GABRB1: variants seen among roughly 807,000 people sequenced by gnomAD.
GABRB1 encodes the protein gamma-aminobutyric acid receptor subunit beta-1.
Under a neutral mutation model 51.6 loss-of-function variants are expected in GABRB1, and 17 were observed. The observed-to-expected ratio is 0.33, with a 90% CI of 0.23 to 0.49. GABRB1 has a LOEUF of 0.49. GABRB1 is among the 20% of genes least tolerant of loss of function. GABRB1 has a pLI of 0.99. For missense variants in GABRB1, 410 were observed against 600.6 expected (o/e 0.68, Z 3.32); for synonymous variants, 247 against 218.9 (o/e 1.13, Z -1.14).
intron 3 of GABRB1, among the ~76,000 whole-genome samples, chr4:47,157,016 G>A (rs1490894960): frequency 6.6e-6 from 1 of 152,036 alleles, no homozygotes; most frequent in Non-Finnish European, 1.5e-5. Flanking sequence ...GTTTCATTGA[G>A]TGCTACTGGT....
At chr4:47,259,758 G>C (rs1336877952) in intron 4 of GABRB1, among the ~76,000 whole-genome samples, 1 of 152,144 alleles carries the variant, frequency 6.6e-6, no homozygotes, top group Non-Finnish European at 1.5e-5. Context: ...AAGGACATGA[G>C]TACTTTCTTT....
chr4:47,122,825 G>C (rs374147663), intron 3 of GABRB1, among the ~76,000 whole-genome samples: 1 of 152,138 alleles, frequency 6.6e-6, no homozygotes, highest in African/African-American at 2.4e-5. Context: ...GTAGAAAGGA[G>C]CAAGTACTTT....
intron 3 of GABRB1, among the ~76,000 whole-genome samples, chr4:47,076,694 G>C (rs1244638893): frequency 6.6e-6 from 1 of 152,030 alleles, no homozygotes; most frequent in African/African-American, 2.4e-5. Context: ...AACCTGATAG[G>C]CCTAACTCTG....
chr4:47,210,630 T>C (rs1477421867), intron 4 of GABRB1, among the ~76,000 whole-genome samples: 1 of 152,214 alleles, frequency 6.6e-6, no homozygotes, highest in Non-Finnish European at 1.5e-5. Context: ...AATATTGATA[T>C]CTTCATATAA....
At chr4:47,357,584 T>C (rs1726634205) in intron 5 of GABRB1, among the ~76,000 whole-genome samples, 1 of 152,152 alleles carries the variant, frequency 6.6e-6, no homozygotes, top group African/African-American at 2.4e-5. Context: ...AAGTTAGTGA[T>C]GTAAAGAGGA....
At chr4:47,385,032 C>G (rs958860790) in intron 5 of GABRB1, among the ~76,000 whole-genome samples, 1 of 152,186 alleles carries the variant, frequency 6.6e-6, no homozygotes, top group African/African-American at 2.4e-5. Flanking sequence ...GCTGTCATTA[C>G]ACTTTCCGGA....
intron 4 of GABRB1, among the ~76,000 whole-genome samples, chr4:47,235,196 G>T (rs932894922): frequency 1.3e-5 from 2 of 152,000 alleles, no homozygotes; most frequent in Non-Finnish European, 2.9e-5. Context: ...ATCTTCATAA[G>T]GAAGAAATTT....
chr4:47,046,810 C>A (rs995023795), intron 3 of GABRB1, among the ~76,000 whole-genome samples: 1 of 152,058 alleles, frequency 6.6e-6, no homozygotes, highest in Non-Finnish European at 1.5e-5. Flanking sequence ...TACTATGCAG[C>A]CTTAAAAAAT....
chr4:47,007,154 G>T (rs1378171998), intron 1 of GABRB1, among the ~76,000 whole-genome samples: 1 of 142,244 alleles, frequency 7.0e-6, no homozygotes, highest in East Asian at 2.1e-4. Context: ...AAAAAAAAAA[G>T]AAAAAGAAAA....
At chr4:47,310,666 T>G (rs963013700) in intron 4 of GABRB1, among the ~76,000 whole-genome samples, 7 of 152,272 alleles carry the variant, frequency 4.6e-5, no homozygotes, top group South Asian at 2.1e-4. Context: ...TTGGAAAAAT[T>G]TATTAATACA....
At chr4:47,030,925 G>A (rs1725268325), upstream of GABRB1, among the ~76,000 whole-genome samples, 1 of 152,098 alleles carries the variant, frequency 6.6e-6, no homozygotes, top group Admixed American at 6.5e-5. Flanking sequence ...TTCCCAACCT[G>A]GATGAAAAAC....
At chr4:47,413,903 C>T (rs1370604334) in intron 8 of GABRB1, among the ~76,000 whole-genome samples, 1 of 152,146 alleles carries the variant, frequency 6.6e-6, no homozygotes, top group Non-Finnish European at 1.5e-5. Context: ...TCATAAGCCC[C>T]TCAGGCATCA....
At position 47,000,166 on chromosome 4, in the gene GABRB1, A is replaced by G. The variant is rs139269418; in HGVS notation, c.-20+6240A>G. Among the ~76,000 whole-genome samples the G allele has an allele frequency of 1.3e-3, 193 of 152,320 alleles. 1 individual carries two copies. The Middle Eastern group carries it at 0.02, about 16-fold the overall frequency. On this transcript the variant is annotated intron_variant, in intron 1 of 3. Transcript: ENST00000513567. ...CAATAATGATAATACCTTCAGCCAA[A>G]TACTCATATAAAATTTAAAACTTAA... is the stretch of plus-strand genomic sequence containing the variant.
At chr4:47,283,681 C>T (rs1407686806) in intron 4 of GABRB1, among the ~76,000 whole-genome samples, 3 of 151,866 alleles carry the variant, frequency 2.0e-5, no homozygotes, top group African/African-American at 7.3e-5. Flanking sequence ...AGCCACCGCA[C>T]CCGGCCTCTG....
At chr4:47,077,955 ATT>A (rs1267962804) in intron 3 of GABRB1, among the ~76,000 whole-genome samples, 3 of 94,522 alleles carry the variant, frequency 3.2e-5, no homozygotes, top group East Asian at 5.7e-4. Context: ...TATATTATAT[ATT>A]TTATATATAT....
chr4:47,337,782 C>G (rs991071961), intron 5 of GABRB1, among the ~76,000 whole-genome samples: 2 of 140,990 alleles, frequency 1.4e-5, no homozygotes, highest in African/African-American at 5.4e-5. Flanking sequence ...TGCACTCCAG[C>G]CTGGGCGACA....
chr4:47,042,396 T>A (rs1201053762), intron 3 of GABRB1, among the ~76,000 whole-genome samples: 1 of 21,694 alleles, frequency 4.6e-5, no homozygotes, highest in East Asian at 7.3e-4. Flanking sequence ...TATGTGTACA[T>A]GTATGTGTAT....
At chr4:47,268,257 A>G (rs1722718352) in intron 4 of GABRB1, among the ~76,000 whole-genome samples, 1 of 152,208 alleles carries the variant, frequency 6.6e-6, no homozygotes, top group Non-Finnish European at 1.5e-5. Flanking sequence ...AACAAAATGA[A>G]ATAGTAAACT....
intron 4 of GABRB1, among the ~76,000 whole-genome samples, chr4:47,303,501 T>C (rs926005325): frequency 1.3e-5 from 2 of 151,882 alleles, no homozygotes; most frequent in Admixed American, 1.3e-4. Flanking sequence ...TTTCTATATG[T>C]CCATGTATGT....
Sources: gnomAD v4.1 joint callset for allele counts (sites outside exome capture counted in the v4.1 genomes callset) on GRCh38, gnomAD v4.1.1 for gene constraint, MANE v1.5 for transcripts, NCBI Gene and HGNC (gene_info 2026-07-23, HGNC 2026-07-21) for gene names.